Variants in SLC24A1 observed in about 807,000 individuals in gnomAD.
SLC24A1 encodes sodium/potassium/calcium exchanger 1.
SLC24A1 carries 52 observed loss-of-function variants against 88.1 expected under a neutral mutation model. The ratio of observed to expected loss-of-function variants is 0.59; its 90% CI spans 0.47 to 0.74. SLC24A1 has a LOEUF of 0.74. SLC24A1 is among the 30% of genes least tolerant of loss of function. The probability of loss-of-function intolerance (pLI) is 0.00; values close to 1 mark genes in which losing one functional copy is unlikely to be tolerated. For synonymous variants in SLC24A1, 455 were observed against 498.0 expected (o/e 0.91, Z 1.15); for missense variants, 1,173 against 1,363.3 (o/e 0.86, Z 2.20).
At chr15:65,643,393 G>C (rs1457066247) in intron 4 of SLC24A1, among the ~76,000 whole-genome samples, 1 of 152,158 alleles carries the variant, frequency 6.6e-6, no homozygotes, top group East Asian at 1.9e-4. Flanking sequence ...TGACGGTATT[G>C]CCTTTTTAGA....
intron 2 of SLC24A1, among the ~76,000 whole-genome samples, chr15:65,636,218 G>A (rs1046769678): frequency 2.6e-5 from 4 of 152,182 alleles, no homozygotes; most frequent in African/African-American, 9.7e-5. Context: ...ACTTTGTGGA[G>A]GTGAAGCAGG....
In SLC24A1 at chr15:65,654,793, C is replaced by T; in HGVS notation, c.*714C>T. 1.9e-6 allele frequency: 2 copies of T among 1,048,714 alleles called. No homozygotes were observed. The highest frequency in any genetic ancestry group is 2.6e-5 in the Admixed American group (1 of 37,996). The allele number at this position is 1,048,714 out of a possible 1,614,324, so 65.0% of individuals were successfully genotyped here. On this transcript the variant is annotated 3_prime_UTR_variant, in exon 10 of 10. Transcript: ENST00000261892. The stretch of plus-strand genomic sequence containing the variant: ...TGATCTCGGCACACCACAACCTTCA[C>T]CTCCCCGGTTCAAGCAATTCTCCTG...
intron 2 of SLC24A1, among the ~76,000 whole-genome samples, chr15:65,634,740 C>CAAAAAAAAAAAAAAAAAAAAAAAAAAAAA (rs5813364): frequency 1.1e-5 from 1 of 90,536 alleles, no homozygotes; most frequent in African/African-American, 4.1e-5. Context: ...TCAAAAGCAC[C>CAAAAAAAAAAAAAAAAAAAAAAAAAAAAA]AAAAAAAAAA....
chr15:65,647,459 CAGAG>C (rs2075339525), intron 6 of SLC24A1, among the ~76,000 whole-genome samples: 1 of 117,096 alleles, frequency 8.5e-6, no homozygotes, highest in South Asian at 2.8e-4. Context: ...GCCTGGGTGA[CAGAG>C]AGAGACTGTC....
At chr15:65,641,314 C>T (rs1042451092) in intron 4 of SLC24A1, among the ~76,000 whole-genome samples, 3 of 152,150 alleles carry the variant, frequency 2.0e-5, no homozygotes, top group Admixed American at 6.5e-5. Context: ...AAGCCAAGAT[C>T]GTGCCACTGC....
At position 65,650,367 on chromosome 15, in the gene SLC24A1, G is replaced by T. The variant is rs1016423141; in HGVS notation, c.2233-15G>T. On this transcript the variant is annotated splice_polypyrimidine_tract_variant and intron_variant, in intron 6 of 9. Coordinates refer to ENST00000261892, the MANE Select transcript of SLC24A1 (RefSeq NM_004727.3). This position sits in a 1 kb window ranked among gnomAD's most constrained non-coding sequence, Gnocchi z 4.1. Reference sequence around the variant, plus strand: ...AGCAGTTACCACACATTAATCTGTTGGTTTTGGATTGCAGGAAGATGTGGC... The same window carrying T: ...AGCAGTTACCACACATTAATCTGTTTGTTTTGGATTGCAGGAAGATGTGGC... 1.9e-6 allele frequency: 3 copies of T among 1,545,740 alleles called. No individual in the cohort carries two copies. The South Asian group carries it at 3.6e-5, about 18-fold the overall frequency.
At chr15:65,626,030 C>A in intron 2 of SLC24A1, 60 bp downstream of exon 2, 1 of 1,263,024 alleles carries the variant, frequency 7.9e-7, no homozygotes, top group Non-Finnish European at 1.2e-6. Context: ...TGTGGCGAAG[C>A]CAGGACCTGA....
At chr15:65,644,275 G>T (rs2075229841) in intron 4 of SLC24A1, 152 bp from the exon 5 acceptor site, 2 of 680,800 alleles carry the variant, frequency 2.9e-6, no homozygotes, top group African/African-American at 1.8e-5. Flanking sequence ...GGCCTCGTAG[G>T]ATCAGAATCC....
intron 2 of SLC24A1, among the ~76,000 whole-genome samples, chr15:65,632,674 C>T (rs2074770990): frequency 6.6e-6 from 1 of 152,340 alleles, no homozygotes; most frequent in Non-Finnish European, 1.5e-5. Context: ...ATTCATTGAA[C>T]ATCTTTGTAT....
At chr15:65,623,078 A>C (rs144015619) in intron 1 of SLC24A1, among the ~76,000 whole-genome samples, 1 of 152,134 alleles carries the variant, frequency 6.6e-6, no homozygotes, top group African/African-American at 2.4e-5. Flanking sequence ...CTCGCTCAAC[A>C]TTCCTGTGAC....
At position 65,652,815 on chromosome 15, in the gene SLC24A1, G is replaced by A; in HGVS notation, c.3050+7G>A. ...TATTTGATATCACTGTGGGGTGAGT[G>A]GCAATGTAACTTTCTAAGGGGTGTT... On this transcript the variant is annotated splice_region_variant and intron_variant, in intron 9 of 9. Coordinates refer to ENST00000261892, the MANE Select transcript of SLC24A1 (RefSeq NM_004727.3). 6.3e-7 allele frequency: 1 copy of A among 1,586,086 alleles called. No homozygotes were observed.
At chr15:65,635,404 C>T (rs894515417) in intron 2 of SLC24A1, among the ~76,000 whole-genome samples, 1 of 125,434 alleles carries the variant, frequency 8.0e-6, no homozygotes, top group African/African-American at 3.2e-5. Context: ...CGCTTGAACC[C>T]GGGAGGCACT....
Position 65,655,830 on chromosome 15 carries a change from A to C in SLC24A1, c.*1751A>C. 1 of 984,848 alleles carries C rather than the reference A, an allele frequency of 1.0e-6. No homozygotes were observed. Among genetic ancestry groups the C allele is most frequent in the Non-Finnish European group, 1.2e-6 (1 of 829,392 alleles). The allele number at this position is 984,848 out of a possible 1,614,324, so 61.0% of individuals were successfully genotyped here. On this transcript the variant is annotated 3_prime_UTR_variant, in exon 10 of 10. Transcript: ENST00000261892. ...CATTCTTTGGAAATAATTTTTATTAAATTTCAATAAACTGTGAATCCCAAT... is the reference window on the plus strand; with the variant it reads ...CATTCTTTGGAAATAATTTTTATTACATTTCAATAAACTGTGAATCCCAAT...
intron 9 of SLC24A1, among the ~76,000 whole-genome samples, chr15:65,653,510 A>T (rs55914814): frequency 1.6e-4 from 19 of 116,514 alleles, no homozygotes; most frequent in Admixed American, 4.0e-4. Flanking sequence ...TCCAGCATTT[A>T]AAAAAAAAAA....
intron 2 of SLC24A1, among the ~76,000 whole-genome samples, chr15:65,615,795 C>T (rs923337540): frequency 2.0e-5 from 3 of 151,956 alleles, no homozygotes; most frequent in East Asian, 1.9e-4. Context: ...TTGATACATA[C>T]GTATGTATGT....
chr15:65,630,490 C>T (rs948479272), intron 2 of SLC24A1, among the ~76,000 whole-genome samples: 1 of 152,184 alleles, frequency 6.6e-6, no homozygotes, highest in African/African-American at 2.4e-5. Context: ...AGAACCCCCC[C>T]TGCCTCTGTG....
At chr15:65,651,845 C>A (rs2075520354) in intron 8 of SLC24A1, 86 bp downstream of exon 8, 1 of 756,798 alleles carries the variant, frequency 1.3e-6, no homozygotes, top group African/African-American at 1.7e-5. Flanking sequence ...CTCAGGGAAT[C>A]TCGAGGATCA....
At chr15:65,659,558 G>GA (rs1216716472), downstream of SLC24A1, 1 of 151,910 alleles carries the variant, frequency 6.6e-6, no homozygotes, top group South Asian at 2.1e-4. Flanking sequence ...GGCTGGTTTT[G>GA]AACTCCTGGA....
rs771112027 is a variant in SLC24A1, at chr15:65,624,304, T to G, written c.224T>G (p.Met75Arg). Residue 75 changes from methionine (M) to arginine (R), a missense_variant, in exon 2 of 10, where the codon ATG becomes AGG. Transcript: ENST00000261892. ...RDLSSEEMMM[M>R]SSSPSKPSSE... ...CTCTCCAGTGAAGAGATGATGATGA[T>G]GAGCAGCAGCCCTTCAAAACCTAGC... The G allele has an allele frequency of 6.2e-7, 1 of 1,613,758 alleles. No homozygotes were observed. The highest frequency in any genetic ancestry group is 1.1e-5 in the South Asian group (1 of 91,028).
Sources: gnomAD v4.1 joint callset for allele counts (sites outside exome capture counted in the v4.1 genomes callset) on GRCh38, gnomAD v4.1.1 for gene constraint, Gnocchi (gnomAD v3.1) non-coding constraint, MANE v1.5 for transcripts, NCBI Gene and HGNC (gene_info 2026-07-23, HGNC 2026-07-21) for gene names.